VANGL2: variants seen among roughly 807,000 people sequenced by gnomAD.
VANGL2 encodes vang-like protein 2.
VANGL2 carries 14 observed loss-of-function variants against 50.2 expected under a neutral mutation model. The ratio of observed to expected loss-of-function variants is 0.28; its 90% CI spans 0.18 to 0.44. The LOEUF is 0.44. VANGL2 is among the 20% of genes least tolerant of loss of function. VANGL2 has a pLI of 1.00. For synonymous variants in VANGL2, 295 were observed against 297.2 expected (o/e 0.99, Z 0.08); for missense variants, 533 against 701.5 (o/e 0.76, Z 2.71).
chr1:160,408,031 G>A (rs372959343), intron 1 of VANGL2, among the ~76,000 whole-genome samples: 1 of 152,182 alleles, frequency 6.6e-6, no homozygotes, highest in East Asian at 1.9e-4. Context: ...TCCACCCCCA[G>A]TGTTCTCTTC....
In VANGL2 at chr1:160,424,117, A is replaced by G. The variant is rs748895930; in HGVS notation, c.1139A>G (p.Asn380Ser). The G allele has an allele frequency of 1.2e-6, 2 of 1,613,408 alleles. No individual in the cohort carries two copies. The highest frequency in any genetic ancestry group is 2.2e-5 in the East Asian group (1 of 44,856). The change falls in exon 7 of 8, where the codon AAC (asparagine) becomes AGC (serine). Residue 380 changes from asparagine to serine, a missense_variant. Transcript: ENST00000368061. ...CGGCTGCAGGAAGAGGAGCAGAAAA[A>G]CCCCAGGGAGGTGATGGACCCCCGG... Reference protein sequence around the residue: ...IKRLQEEEQKNPREVMDPREA... With the variant: ...IKRLQEEEQKSPREVMDPREA...
chr1:160,414,647 T>C (rs888596342), intron 1 of VANGL2, among the ~76,000 whole-genome samples: 4 of 152,176 alleles, frequency 2.6e-5, no homozygotes, highest in African/African-American at 4.8e-5. Flanking sequence ...TACCACTTTA[T>C]ACCTAGCAGA....
intron 1 of VANGL2, among the ~76,000 whole-genome samples, chr1:160,409,395 G>A (rs1414062443): frequency 1.3e-5 from 2 of 152,104 alleles, no homozygotes; most frequent in Non-Finnish European, 2.9e-5. Flanking sequence ...GCTTGGTGCT[G>A]GGAACTGCTG....
At position 160,419,499 on chromosome 1, in the gene VANGL2, C is replaced by T. The variant is rs1235344504; in HGVS notation, c.690C>T (p.His230=). 6 of 1,604,120 alleles carry T rather than the reference C, an allele frequency of 3.7e-6. No individual in the cohort carries two copies. The highest frequency in any genetic ancestry group is 5.1e-6 in the Non-Finnish European group (6 of 1,179,968). Residue 230 remains histidine, a synonymous_variant, in exon 4 of 8, where the codon CAC becomes CAT. Coordinates refer to ENST00000368061, the MANE Select transcript of VANGL2 (RefSeq NM_020335.3). The surrounding 1 kb of genome is among the most constrained non-coding windows in gnomAD (Gnocchi z 5.8). The stretch of plus-strand genomic sequence containing the variant: ...TGGTGGACGCCCTTCTTTTCGTGCA[C>T]TACCTGGCCGTGGTCCTGCTGGAGC... ...VSLVDALLFV[H]YLAVVLLELR...
At chr1:160,405,045 T>G (rs1358996460) in intron 1 of VANGL2, among the ~76,000 whole-genome samples, 1 of 152,136 alleles carries the variant, frequency 6.6e-6, no homozygotes, top group African/African-American at 2.4e-5. Context: ...TTGCCTCTTC[T>G]CAGGGTCTGG....
chr1:160,425,238 A>G lies in VANGL2; in HGVS notation c.1426A>G (p.Ile476Val). The change falls in exon 8 of 8, where the codon ATC (isoleucine) becomes GTC (valine). Residue 476 changes from isoleucine to valine, a missense_variant. Transcript: ENST00000368061. ...EPVTNGLKDG[I>V]VFLLKRQDFS... ...GGTGACCAACGGCCTCAAGGATGGCATCGTTTTCCTCTTAAAACGCCAGGA... is the reference window on the plus strand; with the variant it reads ...GGTGACCAACGGCCTCAAGGATGGCGTCGTTTTCCTCTTAAAACGCCAGGA... 1 of 1,614,162 alleles carries G rather than the reference A, an allele frequency of 6.2e-7. No homozygotes were observed. Among genetic ancestry groups the G allele is most frequent in the Non-Finnish European group, 8.5e-7 (1 of 1,180,032 alleles).
chr1:160,418,703 G>T lies in VANGL2; in HGVS notation c.193-299G>T, dbSNP rs78179222. Among the ~76,000 whole-genome samples, 319 of 152,242 alleles carry T rather than the reference G, an allele frequency of 2.1e-3. 2 individuals are homozygous for T. The East Asian group carries it at 0.025, about 12-fold the overall frequency. On this transcript the variant is annotated intron_variant, in intron 3 of 7. Coordinates refer to ENST00000368061, the MANE Select transcript of VANGL2 (RefSeq NM_020335.3). The stretch of plus-strand genomic sequence containing the variant: ...CTTCAGCATTTGTCCTGTGCTGTCT[G>T]CTCTGAGGGTCATTGCCGCATGTGT...
chr1:160,418,951 T>C, intron 3 of VANGL2, 51 bp from the exon 4 acceptor site: 1 of 1,561,704 alleles, frequency 6.4e-7, no homozygotes. Context: ...CTCCTCTTCC[T>C]CTTCTTATCC....
chr1:160,415,576 C>T (rs1442386533), intron 1 of VANGL2, 72 bp from the exon 2 acceptor site: 5 of 526,912 alleles, frequency 9.5e-6, no homozygotes, highest in Non-Finnish European at 1.7e-5. Flanking sequence ...CTGTTGTGTG[C>T]AGATGGTCTT....
chr1:160,407,786 G>T (rs1650732218), intron 1 of VANGL2, among the ~76,000 whole-genome samples: 1 of 152,154 alleles, frequency 6.6e-6, no homozygotes, highest in East Asian at 1.9e-4. Context: ...TTTCCTTCTT[G>T]GTTCTTCCAC....
chr1:160,428,252 C>A lies in VANGL2; in HGVS notation c.*2874C>A. 6.5e-6 allele frequency: 1 copy of A among 152,920 alleles called. No individual in the cohort carries two copies. The allele number at this position is 152,920 out of a possible 1,614,324, so 9.5% of individuals were successfully genotyped here. A position where few individuals can be genotyped will look rare whatever the true frequency, so the allele number is the denominator to read the frequency against. ...TCCTCCATTGGTCCCAGGCTAACTC[C>A]CCTGTTCCTCTGTGGTGTCTGTCAG... On this transcript the variant is annotated 3_prime_UTR_variant, in exon 8 of 8. Coordinates refer to ENST00000368061, the MANE Select transcript of VANGL2 (RefSeq NM_020335.3).
At chr1:160,405,403 C>T (rs1650619299) in intron 1 of VANGL2, among the ~76,000 whole-genome samples, 1 of 152,120 alleles carries the variant, frequency 6.6e-6, no homozygotes, top group Non-Finnish European at 1.5e-5. Context: ...CTGTGGTGGG[C>T]CAGGGAGAAT....
In VANGL2 at chr1:160,425,586, T is replaced by A; in HGVS notation, c.*208T>A. The A allele has an allele frequency of 1.7e-6, 1 of 590,112 alleles. No homozygotes were observed. The highest frequency in any genetic ancestry group is 2.9e-6 in the Non-Finnish European group (1 of 339,092). The allele number at this position is 590,112 out of a possible 1,614,324, so 36.6% of individuals were successfully genotyped here. On this transcript the variant is annotated 3_prime_UTR_variant, in exon 8 of 8. Coordinates refer to ENST00000368061, the MANE Select transcript of VANGL2 (RefSeq NM_020335.3). Reference sequence around the variant, plus strand: ...GGAGAGACCATCCTGCTGTCAACAGTACCTGGGAAGGACTCCCACCTCACC... The same window carrying A: ...GGAGAGACCATCCTGCTGTCAACAGAACCTGGGAAGGACTCCCACCTCACC...
rs758859351 is a variant in VANGL2, at chr1:160,416,173, G to A, written c.183G>A (p.Gly61=). 2.5e-6 allele frequency: 4 copies of A among 1,614,222 alleles called. No homozygotes were observed. In the Admixed American group the frequency reaches 6.7e-5, roughly 27 times the overall value. ...EPLLDNESTR[G]DERDDNWGET... ...TGCTGGACAATGAGTCCACACGAGG[G>A]GATGAGCGGGTGAGCACTGGGGATG... Residue 61 remains glycine (G), a synonymous_variant, in exon 3 of 8, where the codon GGG becomes GGA. Coordinates refer to ENST00000368061, the MANE Select transcript of VANGL2 (RefSeq NM_020335.3).
At chr1:160,410,698 ACG>A (rs144571495) in intron 1 of VANGL2, among the ~76,000 whole-genome samples, 2,433 of 80,338 alleles carry the variant, frequency 0.03, 26 homozygotes, top group African/African-American at 0.046. Context: ...ACACACACAC[ACG>A]CACGCACGCA....
chr1:160,407,231 G>T (rs186629278), intron 1 of VANGL2, among the ~76,000 whole-genome samples: 1 of 152,194 alleles, frequency 6.6e-6, no homozygotes, highest in African/African-American at 2.4e-5. Context: ...TCTCAGGTAG[G>T]GGGGTGGTCG....
chr1:160,419,306 T>G lies in VANGL2; in HGVS notation c.497T>G (p.Leu166Arg), dbSNP rs1220375196. Reference protein sequence around the residue: ...LLILLLGSWALFFRRPKASLP... With the variant: ...LLILLLGSWARFFRRPKASLP... ...ATCCTGCTACTGGGCAGCTGGGCTC[T>G]GTTCTTCCGCCGGCCCAAGGCCTCG... Residue 166 changes from leucine to arginine, a missense_variant, in exon 4 of 8, where the codon CTG becomes CGG. Transcript: ENST00000368061. The surrounding 1 kb of genome is among the most constrained non-coding windows in gnomAD (Gnocchi z 5.8). 1 of 1,608,756 alleles carries G rather than the reference T, an allele frequency of 6.2e-7. No individual in the cohort carries two copies. The highest frequency in any genetic ancestry group is 8.5e-7 in the Non-Finnish European group (1 of 1,179,998).
chr1:160,416,039 C>T, intron 2 of VANGL2, 23 bp from the exon 3 acceptor site: 2 of 1,614,210 alleles, frequency 1.2e-6, no homozygotes, highest in Non-Finnish European at 1.7e-6. Context: ...ACTTTCTGTG[C>T]CTTTTCTGGC....
At chr1:160,411,499 C>T (rs1650878692) in intron 1 of VANGL2, among the ~76,000 whole-genome samples, 1 of 152,002 alleles carries the variant, frequency 6.6e-6, no homozygotes, top group Non-Finnish European at 1.5e-5. Flanking sequence ...TCTCTTTACT[C>T]CCCTCTCCTC....
Sources: gnomAD v4.1 joint callset for allele counts (sites outside exome capture counted in the v4.1 genomes callset) on GRCh38, gnomAD v4.1.1 for gene constraint, Gnocchi (gnomAD v3.1) non-coding constraint, MANE v1.5 for transcripts, NCBI Gene and HGNC (gene_info 2026-07-23, HGNC 2026-07-21) for gene names.